Variants in WDFY2 observed in about 807,000 individuals in gnomAD.
WDFY2 encodes the protein WD repeat and FYVE domain containing 2.
A neutral mutation model predicts 56.4 loss-of-function variants in WDFY2; 36 were observed. That is an observed-to-expected ratio of 0.64 (90% CI 0.49 to 0.84). The LOEUF (loss-of-function observed/expected upper bound fraction) is 0.84. Ranked by LOEUF, WDFY2 falls within the 40% of genes least tolerant of loss-of-function variation. WDFY2 has a pLI of 0.00. For synonymous variants in WDFY2, 176 were observed against 183.7 expected (o/e 0.96, Z 0.34); for missense variants, 444 against 512.2 (o/e 0.87, Z 1.29).
At chr13:51,669,634 G>T (rs1461616597) in intron 2 of WDFY2, among the ~76,000 whole-genome samples, 1 of 152,168 alleles carries the variant, frequency 6.6e-6, no homozygotes, top group Non-Finnish European at 1.5e-5. Context: ...CCAAAAAACT[G>T]TAATCATTTT....
chr13:51,756,054 G>A (rs887255140), intron 9 of WDFY2, among the ~76,000 whole-genome samples: 1 of 152,158 alleles, frequency 6.6e-6, no homozygotes, highest in East Asian at 1.9e-4. Flanking sequence ...TGGTTCCTCT[G>A]TAGTTCCTAG....
intron 7 of WDFY2, among the ~76,000 whole-genome samples, chr13:51,739,570 C>T (rs936982038): frequency 3.3e-5 from 5 of 152,168 alleles, no homozygotes; most frequent in Admixed American, 2.6e-4. Flanking sequence ...TGGCAGCATA[C>T]GGAAAAGAGG....
intron 1 of WDFY2, chr13:51,591,061 C>T (rs1954034469): frequency 6.6e-6 from 1 of 152,228 alleles, no homozygotes; most frequent in African/African-American, 2.4e-5. Context: ...TTGGCATTTC[C>T]TGGGGCATTT....
chr13:51,632,084 A>G (rs986042262), intron 1 of WDFY2, among the ~76,000 whole-genome samples: 2 of 152,174 alleles, frequency 1.3e-5, no homozygotes, highest in Non-Finnish European at 2.9e-5. Flanking sequence ...TTTGTGTGTC[A>G]TAGACTTATC....
At chr13:51,745,967 CTTTT>C (rs1010297657) in intron 7 of WDFY2, among the ~76,000 whole-genome samples, 1 of 127,832 alleles carries the variant, frequency 7.8e-6, no homozygotes, top group Non-Finnish European at 1.7e-5. Context: ...TTTTCTTTTT[CTTTT>C]TCTTTTTTTT....
intron 6 of WDFY2, among the ~76,000 whole-genome samples, chr13:51,735,549 C>T (rs549457521): frequency 1.3e-5 from 2 of 152,262 alleles, no homozygotes; most frequent in South Asian, 2.1e-4. Context: ...GAGAATGGCT[C>T]GACCAAACAT....
intron 3 of WDFY2, among the ~76,000 whole-genome samples, chr13:51,685,772 A>G (rs1956052136): frequency 1.3e-5 from 2 of 152,188 alleles, no homozygotes; most frequent in South Asian, 4.1e-4. Flanking sequence ...AAACATGTCT[A>G]GTAAATAACA....
At chr13:51,734,097 G>A (rs114788519) in intron 6 of WDFY2, among the ~76,000 whole-genome samples, 1,623 of 152,156 alleles carry the variant, frequency 0.011, 26 homozygotes, top group African/African-American at 0.036. Context: ...TACCCTTGAG[G>A]GTGTGGTGTG....
At chr13:51,705,000 T>A (rs927330658) in intron 4 of WDFY2, among the ~76,000 whole-genome samples, 1 of 152,098 alleles carries the variant, frequency 6.6e-6, no homozygotes. Context: ...ACTTCTGAGA[T>A]TAGGTTACAA....
intron 2 of WDFY2, among the ~76,000 whole-genome samples, chr13:51,664,235 TC>T (rs1195069654): frequency 1.3e-5 from 2 of 152,162 alleles, no homozygotes; most frequent in African/African-American, 2.4e-5. Flanking sequence ...GGGGATGTCT[TC>T]CTACCCTGTC....
chr13:51,632,495 G>T (rs1954971555), intron 1 of WDFY2, among the ~76,000 whole-genome samples: 1 of 151,466 alleles, frequency 6.6e-6, no homozygotes, highest in Non-Finnish European at 1.5e-5. Context: ...TTGTTTTCTT[G>T]TGCTTTCTGG....
At chr13:51,692,839 T>G (rs1231116272) in intron 3 of WDFY2, among the ~76,000 whole-genome samples, 6 of 152,240 alleles carry the variant, frequency 3.9e-5, no homozygotes, top group African/African-American at 1.4e-4. Context: ...TCTTTTTGGT[T>G]GGTAAGCTAT....
intron 4 of WDFY2, among the ~76,000 whole-genome samples, chr13:51,708,802 A>G (rs1244056795): frequency 1.3e-5 from 2 of 152,236 alleles, no homozygotes; most frequent in Non-Finnish European, 2.9e-5. Context: ...CCAATAGCTT[A>G]AAAGTAAAAG....
At position 51,719,725 on chromosome 13, in the gene WDFY2, A is replaced by G. The variant is rs190557391; in HGVS notation, c.485+377A>G. ...CAGAAGTAATTTACACATAGATACC[A>G]AAGTTGTGAACATTCCCATTGGTGC... On this transcript the variant is annotated intron_variant, in intron 5 of 11. Transcript: ENST00000298125. 7.4e-4 allele frequency among the ~76,000 whole-genome samples: 113 copies of G among 152,334 alleles called. 1 individual carries two copies. The highest frequency in any genetic ancestry group is 3.4e-3 in the Middle Eastern group (1 of 294).
intron 1 of WDFY2, among the ~76,000 whole-genome samples, chr13:51,621,500 C>T (rs906225273): frequency 2.0e-5 from 3 of 151,768 alleles, no homozygotes; most frequent in Non-Finnish European, 4.4e-5. Context: ...AGTGAAACTT[C>T]GTCTCAAAAA....
At chr13:51,638,117 GAAAC>G (rs1419263809) in intron 1 of WDFY2, among the ~76,000 whole-genome samples, 1 of 152,208 alleles carries the variant, frequency 6.6e-6, no homozygotes, top group Non-Finnish European at 1.5e-5. Context: ...TAGGGTCAGA[GAAAC>G]AGACAGAGGT....
chr13:51,623,914 C>A (rs954846729), intron 1 of WDFY2, among the ~76,000 whole-genome samples: 5 of 151,838 alleles, frequency 3.3e-5, no homozygotes, highest in African/African-American at 1.2e-4. Flanking sequence ...TCCACACCAT[C>A]CCTGCCCTGC....
chr13:51,634,415 G>A (rs1404681652), intron 1 of WDFY2, among the ~76,000 whole-genome samples: 1 of 152,128 alleles, frequency 6.6e-6, no homozygotes, highest in East Asian at 1.9e-4. Flanking sequence ...AGGAAAAGTA[G>A]TACTTTAGCC....
intron 1 of WDFY2, chr13:51,590,194 A>G (rs769555867): frequency 1.3e-5 from 2 of 152,198 alleles, no homozygotes; most frequent in Non-Finnish European, 2.9e-5. Flanking sequence ...TAGGATGGCA[A>G]TTCTGACACT....
Sources: allele counts gnomAD v4.1 joint callset (sites outside exome capture counted in the v4.1 genomes callset), GRCh38; gene constraint gnomAD v4.1.1; transcripts MANE v1.5; gene names NCBI Gene and HGNC (gene_info 2026-07-23, HGNC 2026-07-21).